EDNRB: variants seen among roughly 807,000 people sequenced by gnomAD.
EDNRB encodes endothelin receptor type B.
EDNRB carries 18 observed loss-of-function variants against 46.4 expected under a neutral mutation model. The observed-to-expected ratio is 0.39, with a 90% CI of 0.27 to 0.57. The LOEUF is 0.57. EDNRB is among the 20% of genes least tolerant of loss of function. The pLI is 0.61. For missense variants in EDNRB, 434 were observed against 537.5 expected (o/e 0.81, Z 1.90); for synonymous variants, 213 against 204.9 (o/e 1.04, Z -0.34).
chr13:77,913,925 G>T (rs1366304482), intron 1 of EDNRB, among the ~76,000 whole-genome samples: 2 of 152,192 alleles, frequency 1.3e-5, no homozygotes, highest in Admixed American at 1.3e-4. Context: ...TGAATAAGGA[G>T]AAATTCATCC....
At chr13:77,931,765 A>C (rs1013333722) in intron 1 of EDNRB, among the ~76,000 whole-genome samples, 9 of 144,304 alleles carry the variant, frequency 6.2e-5, no homozygotes, top group African/African-American at 1.5e-4. Flanking sequence ...AAAAAACAAA[A>C]AAAAAAAAAC....
intron 1 of EDNRB, among the ~76,000 whole-genome samples, chr13:77,959,245 C>A (rs1163951790): frequency 6.6e-6 from 1 of 152,208 alleles, no homozygotes; most frequent in Non-Finnish European, 1.5e-5. Context: ...ACTGCCTCCT[C>A]AAGCGGGTCC....
chr13:77,929,267 C>A (rs184097462), intron 1 of EDNRB, among the ~76,000 whole-genome samples: 2 of 152,208 alleles, frequency 1.3e-5, no homozygotes, highest in African/African-American at 4.8e-5. Flanking sequence ...ATATACAGGG[C>A]CTTATCTTCC....
At chr13:77,933,856 G>A (rs1305724632) in intron 1 of EDNRB, among the ~76,000 whole-genome samples, 1 of 152,110 alleles carries the variant, frequency 6.6e-6, no homozygotes, top group Non-Finnish European at 1.5e-5. Flanking sequence ...AGAAACATTT[G>A]TCATTTAGAA....
chr13:77,969,280 G>C (rs964979193), intron 1 of EDNRB, among the ~76,000 whole-genome samples: 5 of 152,114 alleles, frequency 3.3e-5, no homozygotes, highest in Non-Finnish European at 7.4e-5. Flanking sequence ...GTCTATGGTT[G>C]AACTGTAAAG....
intron 1 of EDNRB, among the ~76,000 whole-genome samples, chr13:77,928,234 T>C (rs1215811834): frequency 6.6e-6 from 1 of 152,206 alleles, no homozygotes; most frequent in Non-Finnish European, 1.5e-5. Context: ...TTTTATTATA[T>C]ATATGAGTGG....
chr13:77,899,626 G>T, intron 6 of EDNRB: 1 of 463,256 alleles, frequency 2.2e-6, no homozygotes, highest in Non-Finnish European at 3.9e-6. Flanking sequence ...ACAATTCCAT[G>T]AGTGTAACTG....
At chr13:77,927,337 G>A (rs1297059753) in intron 1 of EDNRB, among the ~76,000 whole-genome samples, 1 of 152,130 alleles carries the variant, frequency 6.6e-6, no homozygotes, top group East Asian at 1.9e-4. Context: ...TCTTGTTCTA[G>A]ATTAACACAG....
At chr13:77,911,599 C>G (rs1879575331) in intron 1 of EDNRB, among the ~76,000 whole-genome samples, 1 of 151,972 alleles carries the variant, frequency 6.6e-6, no homozygotes, top group Non-Finnish European at 1.5e-5. Context: ...ATGCTTCAAT[C>G]AATTTTGCTA....
At chr13:77,958,056 T>A (rs576621555) in intron 1 of EDNRB, among the ~76,000 whole-genome samples, 20 of 152,358 alleles carry the variant, frequency 1.3e-4, no homozygotes, top group African/African-American at 4.8e-4. Context: ...CTGGGCTTCC[T>A]ATTTTGGACC....
At chr13:77,900,737 T>A in intron 4 of EDNRB, 83 bp from the exon 5 acceptor site, 1 of 1,583,204 alleles carries the variant, frequency 6.3e-7, no homozygotes, top group East Asian at 2.3e-5. Flanking sequence ...CATTTAATAT[T>A]GTCTACAAAA....
intron 1 of EDNRB, chr13:77,947,777 T>A (rs531659847): frequency 7.2e-6 from 1 of 138,976 alleles, no homozygotes; most frequent in Admixed American, 7.5e-5. Flanking sequence ...CCCAGCTAAT[T>A]AATTTTTTTT....
chr13:77,918,995 G>A (rs1357010437), upstream of EDNRB: 20 of 892,896 alleles, frequency 2.2e-5, no homozygotes, highest in African/African-American at 3.5e-5. The surrounding 1 kb of genome is among the most constrained non-coding windows in gnomAD (Gnocchi z 4.5). Flanking sequence ...GGGAACCGCG[G>A]AATTAAGGCA....
intron 1 of EDNRB, among the ~76,000 whole-genome samples, chr13:77,940,909 G>A (rs948674373): frequency 6.6e-6 from 1 of 152,174 alleles, no homozygotes; most frequent in Non-Finnish European, 1.5e-5. Context: ...GAAAGGGATG[G>A]GAACAGGATC....
At position 77,915,763 on chromosome 13, in the gene EDNRB, C is replaced by T. The variant is rs1311000347; in HGVS notation, c.483+2328G>A. On this transcript the variant is annotated intron_variant, in intron 1 of 6. Coordinates refer to ENST00000646607, the MANE Select transcript of EDNRB (RefSeq NM_001122659.3). ...AATAATGATGACCTTAGTGATGGGA[C>T]GTAATGTGATGAATGTGTTTGTGAC... Among the ~76,000 whole-genome samples the T allele has an allele frequency of 2.6e-5, 4 of 152,010 alleles. No homozygotes were observed. The East Asian group carries it at 5.8e-4, about 22-fold the overall frequency.
chr13:77,928,001 G>A (rs1045452358), intron 1 of EDNRB, among the ~76,000 whole-genome samples: 3 of 152,182 alleles, frequency 2.0e-5, no homozygotes, highest in African/African-American at 7.2e-5. Flanking sequence ...AGTAAGAAGT[G>A]ACTTTGCTCC....
Position 77,918,083 on chromosome 13 carries a change from C to T in EDNRB, c.483+8G>A, listed in dbSNP as rs747430404. ...AAGCCCACCATGATTTCAGCAGGCG[C>T]CCTTTACCTTGTAGACATTGATAGG... On this transcript the variant is annotated splice_region_variant and intron_variant, in intron 1 of 6. Transcript: ENST00000646607. This position sits in a 1 kb window ranked among gnomAD's most constrained non-coding sequence, Gnocchi z 4.5. The T allele has an allele frequency of 3.7e-6, 6 of 1,613,954 alleles. No individual in the cohort carries two copies. Among genetic ancestry groups the T allele is most frequent in the South Asian group, 3.3e-5 (3 of 91,068 alleles).
intron 1 of EDNRB, among the ~76,000 whole-genome samples, chr13:77,931,315 T>G (rs1329203167): frequency 6.6e-6 from 1 of 152,222 alleles, no homozygotes; most frequent in Non-Finnish European, 1.5e-5. Context: ...ACAAGTTTTC[T>G]ATAAGAAGTC....
At chr13:77,900,406 G>A (rs1378906543) in intron 5 of EDNRB, 115 bp downstream of exon 5, 2 of 1,482,138 alleles carry the variant, frequency 1.3e-6, no homozygotes, top group Non-Finnish European at 1.9e-6. Context: ...GAGTCTCCAT[G>A]ACTTCCTAAG....
Sources: allele counts gnomAD v4.1 joint callset (sites outside exome capture counted in the v4.1 genomes callset), GRCh38; gene constraint gnomAD v4.1.1; non-coding constraint Gnocchi (gnomAD v3.1); transcripts MANE v1.5; gene names NCBI Gene and HGNC (gene_info 2026-07-23, HGNC 2026-07-21).